GPATCH2: variants seen among roughly 807,000 people sequenced by gnomAD.
The protein encoded by GPATCH2 is G patch domain-containing protein 2.
A neutral mutation model predicts 58.0 loss-of-function variants in GPATCH2; 51 were observed. The observed-to-expected ratio is 0.88, with a 90% confidence interval of 0.70 to 1.11. GPATCH2 has a LOEUF of 1.11. Among genes scored for constraint, GPATCH2 ranks in the 50% most tolerant of loss-of-function variants. The pLI is 0.00. For synonymous variants in GPATCH2, 222 were observed against 218.5 expected (o/e 1.02, Z -0.14); for missense variants, 625 against 652.2 (o/e 0.96, Z 0.45).
rs549011365 is a variant in GPATCH2 at position 217,491,733 on chromosome 1, A to C, written c.1224T>G (p.Asp408Glu). 6.9e-7 allele frequency: 1 copy of C among 1,446,254 alleles called. No homozygotes were observed. The highest frequency in any genetic ancestry group is 1.8e-5 in the Admixed American group (1 of 55,960). The allele number at this position is 1,446,254 out of a possible 1,614,324, so 89.6% of individuals were successfully genotyped here. The change falls in exon 8 of 10, where the codon GAT becomes GAG. Residue 408 changes from aspartate (D) to glutamate (E), a missense_variant. Transcript: ENST00000366935. The stretch of plus-strand genomic sequence containing the variant: ...TCTTGTGTCCTCTTTCAGCTCGATT[A>C]TCTCTCAGAAGCTGATGCTACACAA... ...TEHDQHQLLR[D>E]NRAERGHKKN...
At chr1:217,450,171 A>T (rs1264729738) in intron 8 of GPATCH2, among the ~76,000 whole-genome samples, 1 of 152,176 alleles carries the variant, frequency 6.6e-6, no homozygotes, top group East Asian at 1.9e-4. Context: ...CATTTCCTGC[A>T]TCATAATCCT....
At chr1:217,536,490 G>C (rs1664471146) in intron 5 of GPATCH2, among the ~76,000 whole-genome samples, 1 of 151,986 alleles carries the variant, frequency 6.6e-6, no homozygotes, top group Non-Finnish European at 1.5e-5. Flanking sequence ...ATAATTTGCT[G>C]ATTTCTTCTA....
chr1:217,629,121 C>A (rs1240126456), intron 1 of GPATCH2, among the ~76,000 whole-genome samples: 1 of 151,856 alleles, frequency 6.6e-6, no homozygotes, highest in East Asian at 1.9e-4. Context: ...CCCAGTGGGA[C>A]TGGAATTTAT....
chr1:217,498,672 A>G (rs1435238860), intron 6 of GPATCH2: 2 of 532,086 alleles, frequency 3.8e-6, no homozygotes, highest in African/African-American at 3.8e-5. Flanking sequence ...GACTGTATTC[A>G]TTTTATGAAT....
intron 9 of GPATCH2, among the ~76,000 whole-genome samples, chr1:217,433,029 T>C (rs1440679000): frequency 6.6e-6 from 1 of 152,074 alleles, no homozygotes; most frequent in Non-Finnish European, 1.5e-5. Flanking sequence ...ACCACTTACT[T>C]CTCTCAAAGT....
chr1:217,475,922 G>A (rs533069599), intron 8 of GPATCH2, among the ~76,000 whole-genome samples: 1 of 152,184 alleles, frequency 6.6e-6, no homozygotes, highest in South Asian at 2.1e-4. Flanking sequence ...AAGCATGATA[G>A]TTAAGAGAGA....
chr1:217,609,429 A>G (rs1349947336), intron 5 of GPATCH2: 7 of 984,662 alleles, frequency 7.1e-6, no homozygotes, highest in Admixed American at 1.2e-4. Flanking sequence ...GACAAAGCAG[A>G]TAATTTAAAA....
At chr1:217,555,166 G>T (rs1665558695) in intron 5 of GPATCH2, among the ~76,000 whole-genome samples, 1 of 152,028 alleles carries the variant, frequency 6.6e-6, no homozygotes, top group Non-Finnish European at 1.5e-5. Context: ...TTTGTTCCAG[G>T]TCCTCTTTTT....
At chr1:217,625,967 G>C (rs1571679736) in intron 1 of GPATCH2, among the ~76,000 whole-genome samples, 1 of 152,134 alleles carries the variant, frequency 6.6e-6, no homozygotes, top group African/African-American at 2.4e-5. Flanking sequence ...TTGGATGACA[G>C]AGAGACTCTG....
chr1:217,445,636 A>C (rs1048408461), intron 9 of GPATCH2, among the ~76,000 whole-genome samples: 6 of 152,144 alleles, frequency 3.9e-5, no homozygotes, highest in Admixed American at 2.6e-4. Context: ...GCAGAGAACA[A>C]GCTATACATT....
chr1:217,512,093 G>A (rs1044305945), intron 6 of GPATCH2, among the ~76,000 whole-genome samples: 3 of 152,090 alleles, frequency 2.0e-5, no homozygotes, highest in African/African-American at 7.2e-5. Context: ...AAGTGGAGGT[G>A]GCAGGATTGC....
At chr1:217,597,691 C>T (rs1212293065) in intron 5 of GPATCH2, among the ~76,000 whole-genome samples, 1 of 152,102 alleles carries the variant, frequency 6.6e-6, no homozygotes, top group African/African-American at 2.4e-5. Context: ...CTCATGATAC[C>T]CTTTTACTAA....
At chr1:217,520,100 A>G (rs1663377883) in intron 5 of GPATCH2, among the ~76,000 whole-genome samples, 1 of 152,176 alleles carries the variant, frequency 6.6e-6, no homozygotes, top group Non-Finnish European at 1.5e-5. Context: ...GCCTGGAAAA[A>G]TCCTCATCAC....
intron 5 of GPATCH2, among the ~76,000 whole-genome samples, chr1:217,557,112 A>G (rs777551263): frequency 5.3e-5 from 8 of 152,124 alleles, no homozygotes; most frequent in Non-Finnish European, 8.8e-5. Context: ...ACATCTTTTA[A>G]AAATGTCAAG....
At chr1:217,588,658 T>A (rs1338931257) in intron 5 of GPATCH2, among the ~76,000 whole-genome samples, 2 of 152,198 alleles carry the variant, frequency 1.3e-5, no homozygotes, top group Non-Finnish European at 2.9e-5. Flanking sequence ...AATACTTTCT[T>A]TATGGTTCTT....
intron 9 of GPATCH2, among the ~76,000 whole-genome samples, chr1:217,432,569 C>A (rs1658594064): frequency 6.6e-6 from 1 of 152,112 alleles, no homozygotes; most frequent in Non-Finnish European, 1.5e-5. Context: ...TTGACTGGTT[C>A]ATTTCTGTTC....
chr1:217,516,158 T>A (rs75109608), intron 5 of GPATCH2, among the ~76,000 whole-genome samples: 2,424 of 151,924 alleles, frequency 0.016, 66 homozygotes, highest in African/African-American at 0.055. Flanking sequence ...TGTACAAGAA[T>A]GAATCTATCA....
intron 1 of GPATCH2, among the ~76,000 whole-genome samples, chr1:217,630,430 G>A (rs1172013643): frequency 1.3e-5 from 2 of 152,012 alleles, no homozygotes; most frequent in Non-Finnish European, 2.9e-5. Context: ...TGTTCAAGAG[G>A]GTGGAAACAG....
chr1:217,506,649 G>T (rs1237374893), intron 6 of GPATCH2, among the ~76,000 whole-genome samples: 1 of 152,158 alleles, frequency 6.6e-6, no homozygotes, highest in Admixed American at 6.5e-5. Context: ...ACCTTAAGTG[G>T]TTTTCCAAAC....
Sources: allele counts gnomAD v4.1 joint callset (sites outside exome capture counted in the v4.1 genomes callset), GRCh38; gene constraint gnomAD v4.1.1; transcripts MANE v1.5; gene names NCBI Gene and HGNC (gene_info 2026-07-23, HGNC 2026-07-21).